H2BC4: variants seen among roughly 807,000 people sequenced by gnomAD.
H2BC4 encodes H2B clustered histone 4.
Under a neutral mutation model 6.2 loss-of-function variants are expected in H2BC4, and 10 were observed. That is an observed-to-expected ratio of 1.61 (90% CI 0.99 to 2.73). The LOEUF is 2.73. Ranked by LOEUF, H2BC4 falls within the 30% of genes most tolerant of loss-of-function variation. The pLI is 0.00. For synonymous variants in H2BC4, 146 were observed against 70.7 expected (o/e 2.07, Z -5.35); for missense variants, 176 against 168.7 (o/e 1.04, Z -0.24).
At chr6:26,118,050 C>A (rs1408562581) in intron 1 of H2BC4, among the ~76,000 whole-genome samples, 1 of 152,210 alleles carries the variant, frequency 6.6e-6, no homozygotes. Context: ...CGATTTCTGG[C>A]ACCAGAGTTT....
downstream of H2BC4, among the ~76,000 whole-genome samples, chr6:26,121,432 C>T (rs1293413200): frequency 2.6e-5 from 4 of 152,134 alleles, no homozygotes; most frequent in Non-Finnish European, 4.4e-5. Context: ...CAGGGATAGA[C>T]AACCTGTTTC....
chr6:26,115,740 C>T (rs1561953103), intron 1 of H2BC4, among the ~76,000 whole-genome samples: 1 of 152,088 alleles, frequency 6.6e-6, no homozygotes, highest in Non-Finnish European at 1.5e-5. Context: ...GATCTCACAA[C>T]GTGTATTGTT....
downstream of H2BC4, among the ~76,000 whole-genome samples, chr6:26,122,976 AG>A (rs1167592826): frequency 6.6e-6 from 1 of 152,226 alleles, no homozygotes; most frequent in Non-Finnish European, 1.5e-5. Context: ...CACACCCTTC[AG>A]TATACTACGA....
At chr6:26,121,368 T>C (rs1003249335), downstream of H2BC4, among the ~76,000 whole-genome samples, 13 of 152,278 alleles carry the variant, frequency 8.5e-5, no homozygotes, top group African/African-American at 3.1e-4. Flanking sequence ...ACGCGGACGA[T>C]AAACTTTTAG....
intron 1 of H2BC4, among the ~76,000 whole-genome samples, chr6:26,116,535 A>G (rs1337335756): frequency 6.6e-6 from 1 of 152,020 alleles, no homozygotes; most frequent in Non-Finnish European, 1.5e-5. Context: ...TCTACAAAAA[A>G]CTTTTTAAAA....
downstream of H2BC4, among the ~76,000 whole-genome samples, chr6:26,122,165 A>G (rs962303574): frequency 9.2e-5 from 14 of 152,154 alleles, no homozygotes; most frequent in Admixed American, 6.5e-4. Flanking sequence ...CTGTGATTGC[A>G]CAGCAGTGTT....
chr6:26,114,042 C>G (rs1581686967), downstream of H2BC4, among the ~76,000 whole-genome samples: 1 of 152,046 alleles, frequency 6.6e-6, no homozygotes, highest in South Asian at 2.1e-4. Context: ...TTTATGGCTT[C>G]AATATATGAA....
chr6:26,123,730 C>T lies in H2BC4; in HGVS notation c.175G>A (p.Ala59Thr). The change falls in exon 1 of 1, where the codon GCC (alanine) becomes ACC (threonine). Residue 59 changes from alanine to threonine, a missense_variant. Transcript: ENST00000396984. ...VHPDTGISSK[A>T]MGIMNSFVND... ...ACGAAAGAATTCATGATGCCCATGG[C>T]CTTGGAAGAGATGCCAGTGTCGGGA... 1.2e-6 allele frequency: 2 copies of T among 1,614,252 alleles called. No individual in the cohort carries two copies. The highest frequency in any genetic ancestry group is 1.7e-5 in the Admixed American group (1 of 60,032).
downstream of H2BC4, chr6:26,123,389 C>G (rs1763537869): frequency 7.0e-7 from 1 of 1,434,412 alleles, no homozygotes; most frequent in African/African-American, 1.4e-5. Context: ...CCCCACCCCT[C>G]TCCAGTTCCT....
At position 26,123,492 on chromosome 6, in the gene H2BC4, G is replaced by C; in HGVS notation, c.*32C>G. ...TGGGTGGCTCTTAAAAGAGCCTTTG[G>C]GGTTAGGTGTTAAGACGCTTACTTG... On this transcript the variant is annotated 3_prime_UTR_variant, in exon 1 of 1. Transcript: ENST00000396984. 6.2e-7 allele frequency: 1 copy of C among 1,613,786 alleles called. No homozygotes were observed. The highest frequency in any genetic ancestry group is 8.5e-7 in the Non-Finnish European group (1 of 1,179,888).
downstream of H2BC4, among the ~76,000 whole-genome samples, chr6:26,119,134 A>C (rs377049345): frequency 6.6e-6 from 1 of 151,964 alleles, no homozygotes; most frequent in African/African-American, 2.4e-5. Flanking sequence ...ATAGCCCTTA[A>C]ACAAAGCAGG....
chr6:26,120,711 C>T (rs1763486533), downstream of H2BC4, among the ~76,000 whole-genome samples: 1 of 152,134 alleles, frequency 6.6e-6, no homozygotes, highest in Non-Finnish European at 1.5e-5. Flanking sequence ...ACAATAAACT[C>T]GTTAAGGTTT....
intron 1 of H2BC4, among the ~76,000 whole-genome samples, chr6:26,118,248 G>T (rs1763449795): frequency 6.6e-6 from 1 of 152,020 alleles, no homozygotes; most frequent in African/African-American, 2.4e-5. Context: ...AATATTATAA[G>T]AATTCCTTAA....
In H2BC4 at chr6:26,123,755, A is replaced by G; in HGVS notation, c.150T>C (p.His50=). 1 of 1,614,252 alleles carries G rather than the reference A, an allele frequency of 6.2e-7. No individual in the cohort carries two copies. The highest frequency in any genetic ancestry group is 8.5e-7 in the Non-Finnish European group (1 of 1,180,052). The change falls in exon 1 of 1, where the codon CAT becomes CAC. Residue 50 remains histidine (H), a synonymous_variant. Transcript: ENST00000396984. ...CCTTGGAAGAGATGCCAGTGTCGGG[A>G]TGGACCTGTTTCAGCACCTTGTACA... is the stretch of plus-strand genomic sequence containing the variant. ...VYVYKVLKQV[H]PDTGISSKAM... is the part of the protein sequence containing the mutation.
At position 26,123,467 on chromosome 6, in the gene H2BC4, TGGGTGGCTCTTAAAAGAGCC is replaced by T; in HGVS notation, c.*37_*56del. 1 of 1,607,126 alleles carries T rather than the reference TGGGTGGCTCTTAAAAGAGCC, an allele frequency of 6.2e-7. No homozygotes were observed. Among genetic ancestry groups the T allele is most frequent in the Non-Finnish European group, 8.5e-7 (1 of 1,177,206 alleles). On this transcript the variant is annotated 3_prime_UTR_variant, in exon 1 of 1. Transcript: ENST00000396984. ...GGCCACAGCTCTTTTAGTGGGTATC[TGGGTGGCTCTTAAAAGAGCC>T]TTTGGGGTTAGGTGTTAAGACGCTT...
At chr6:26,123,432 T>C (rs1763540477), downstream of H2BC4, 9 of 1,559,404 alleles carry the variant, frequency 5.8e-6, no homozygotes, top group Middle Eastern at 1.8e-4. Context: ...CCAAATAAAA[T>C]TTGGCGTCTG....
chr6:26,121,789 C>T (rs546452404), downstream of H2BC4, among the ~76,000 whole-genome samples: 27 of 151,096 alleles, frequency 1.8e-4, no homozygotes, highest in Non-Finnish European at 4.0e-4. Flanking sequence ...CGCGGTGGCT[C>T]AAGCCTGTAA....
chr6:26,113,288 C>A (rs1763382464), downstream of H2BC4, among the ~76,000 whole-genome samples: 1 of 152,208 alleles, frequency 6.6e-6, no homozygotes, highest in African/African-American at 2.4e-5. Context: ...TATCATTAAG[C>A]TTTTTATCAC....
At chr6:26,122,053 CAAAAAA>C (rs67046086), downstream of H2BC4, among the ~76,000 whole-genome samples, 5 of 124,222 alleles carry the variant, frequency 4.0e-5, no homozygotes, top group African/African-American at 6.1e-5. Context: ...AACTTCGTCT[CAAAAAA>C]AAAAAAAAAA....
Sources: allele counts gnomAD v4.1 joint callset (sites outside exome capture counted in the v4.1 genomes callset), GRCh38; gene constraint gnomAD v4.1.1; transcripts MANE v1.5; gene names NCBI Gene and HGNC (gene_info 2026-07-23, HGNC 2026-07-21).